BANK1: variants seen among roughly 807,000 people sequenced by gnomAD.
BANK1 encodes the protein B cell scaffold protein with ankyrin repeats 1, also known as B-cell scaffold protein with ankyrin repeats.
BANK1 carries 95 observed loss-of-function variants against 94.5 expected under a neutral mutation model. That is an observed-to-expected ratio of 1.00 (90% CI 0.85 to 1.19). BANK1 has a LOEUF of 1.19. BANK1 is among the 50% of genes most tolerant of loss of function. BANK1 has a pLI of 0.00. For synonymous variants in BANK1, 334 were observed against 308.4 expected (o/e 1.08, Z -0.87); for missense variants, 987 against 932.2 (o/e 1.06, Z -0.77).
At chr4:101,887,699 T>C (rs988909895) in intron 5 of BANK1, among the ~76,000 whole-genome samples, 2 of 152,178 alleles carry the variant, frequency 1.3e-5, no homozygotes, top group Admixed American at 1.3e-4. Flanking sequence ...TTAAAGAGAT[T>C]CTACAACTAT....
At chr4:102,008,572 G>C (rs1726380478) in intron 7 of BANK1, among the ~76,000 whole-genome samples, 1 of 152,150 alleles carries the variant, frequency 6.6e-6, no homozygotes, top group African/African-American at 2.4e-5. Context: ...TATAGTGAAA[G>C]GTAATTGGGT....
intron 2 of BANK1, among the ~76,000 whole-genome samples, chr4:101,850,037 G>A (rs1203914137): frequency 6.6e-6 from 1 of 152,148 alleles, no homozygotes; most frequent in African/African-American, 2.4e-5. Context: ...TATAAGAGCT[G>A]TCTACAAATA....
At chr4:101,841,016 A>G (rs1727026678) in intron 2 of BANK1, among the ~76,000 whole-genome samples, 1 of 152,178 alleles carries the variant, frequency 6.6e-6, no homozygotes, top group Non-Finnish European at 1.5e-5. Flanking sequence ...TAGTAGAGAA[A>G]GTGTTTCACC....
chr4:101,958,403 T>C (rs1231859277), intron 7 of BANK1, among the ~76,000 whole-genome samples: 1 of 147,092 alleles, frequency 6.8e-6, no homozygotes, highest in East Asian at 2.0e-4. Context: ...ATGCCCTTTT[T>C]ACTGTCATGC....
At chr4:102,022,436 A>G (rs1341551883) in intron 8 of BANK1, among the ~76,000 whole-genome samples, 1 of 152,044 alleles carries the variant, frequency 6.6e-6, no homozygotes, top group Admixed American at 6.6e-5. Context: ...GCATTCAGCC[A>G]TTTCTCTCCC....
At chr4:101,822,324 A>T (rs1364840773) in intron 1 of BANK1, among the ~76,000 whole-genome samples, 1 of 152,022 alleles carries the variant, frequency 6.6e-6, no homozygotes, top group East Asian at 1.9e-4. Context: ...GAGCCCCAAG[A>T]TCACGCCACT....
intron 7 of BANK1, among the ~76,000 whole-genome samples, chr4:101,975,481 G>T (rs1725092459): frequency 6.6e-6 from 1 of 152,132 alleles, no homozygotes; most frequent in Non-Finnish European, 1.5e-5. Context: ...GGAATGTGCA[G>T]GCAGACTTCT....
intron 1 of BANK1, among the ~76,000 whole-genome samples, chr4:101,798,367 A>T (rs1297883869): frequency 6.6e-6 from 1 of 152,212 alleles, no homozygotes; most frequent in African/African-American, 2.4e-5. Flanking sequence ...TGTTCTCAAA[A>T]GCCGATGGCG....
At chr4:101,947,522 G>A (rs1023054366) in intron 7 of BANK1, among the ~76,000 whole-genome samples, 1 of 151,228 alleles carries the variant, frequency 6.6e-6, no homozygotes, top group Middle Eastern at 3.2e-3. Flanking sequence ...ATAGAAGCTT[G>A]AAGTCTAATT....
At chr4:101,888,636 T>C (rs980894798) in intron 5 of BANK1, among the ~76,000 whole-genome samples, 4 of 152,256 alleles carry the variant, frequency 2.6e-5, no homozygotes, top group African/African-American at 9.6e-5. Flanking sequence ...ATTTGCGTGT[T>C]ACTGAATTTT....
At chr4:101,854,321 A>G (rs1727602041) in intron 2 of BANK1, among the ~76,000 whole-genome samples, 2 of 152,168 alleles carry the variant, frequency 1.3e-5, no homozygotes, top group African/African-American at 2.4e-5. Flanking sequence ...ATTTTTTCAA[A>G]TAGAGAACAA....
At chr4:102,055,369 C>T (rs1051642035) in intron 11 of BANK1, among the ~76,000 whole-genome samples, 54 of 151,884 alleles carry the variant, frequency 3.6e-4, no homozygotes, top group Admixed American at 1.4e-3. Flanking sequence ...AGAATAATTT[C>T]TCAACATTAT....
intron 2 of BANK1, among the ~76,000 whole-genome samples, chr4:101,830,869 G>A (rs1441678122): frequency 2.6e-5 from 4 of 152,120 alleles, no homozygotes; most frequent in African/African-American, 9.7e-5. Flanking sequence ...TTAAAGGGAA[G>A]GAGTGAAGCT....
At chr4:101,928,429 T>C (rs1723234520) in intron 7 of BANK1, among the ~76,000 whole-genome samples, 1 of 151,662 alleles carries the variant, frequency 6.6e-6, no homozygotes, top group Non-Finnish European at 1.5e-5. Context: ...AATCAGAGCA[T>C]TTTTATCTGT....
chr4:101,830,124 T>C lies in BANK1; in HGVS notation c.387T>C (p.Asn129=). 1.2e-6 allele frequency: 2 copies of C among 1,611,992 alleles called. No homozygotes were observed. Among genetic ancestry groups the C allele is most frequent in the African/African-American group, 1.3e-5 (1 of 74,924 alleles). Residue 129 remains asparagine, a synonymous_variant, in exon 2 of 17, where the codon AAT becomes AAC. Coordinates refer to ENST00000322953, the MANE Select transcript of BANK1 (RefSeq NM_017935.5). ...CAGATCAGCTCTATGAATTACTAAA[T>C]ATCTCTCAAAGCAGATGGGAGATCT... The part of the protein sequence containing the change: ...KSSDQLYELL[N]ISQSRWEIST...
intron 6 of BANK1, among the ~76,000 whole-genome samples, chr4:101,909,161 G>A (rs982150921): frequency 6.6e-6 from 1 of 152,184 alleles, no homozygotes; most frequent in Non-Finnish European, 1.5e-5. Context: ...ATCAATGATA[G>A]GCTGGATTAA....
At chr4:101,864,358 A>G (rs1727989844) in intron 4 of BANK1, among the ~76,000 whole-genome samples, 1 of 152,178 alleles carries the variant, frequency 6.6e-6, no homozygotes, top group Admixed American at 6.5e-5. Flanking sequence ...GAACCCTACT[A>G]AGAACAACTA....
intron 1 of BANK1, among the ~76,000 whole-genome samples, chr4:101,827,618 C>T (rs1726414895): frequency 6.6e-6 from 1 of 151,928 alleles, no homozygotes; most frequent in Admixed American, 6.6e-5. Flanking sequence ...GTATTCAACT[C>T]ACCCTATTCT....
intron 7 of BANK1, among the ~76,000 whole-genome samples, chr4:101,942,877 A>G (rs1723802007): frequency 6.6e-6 from 1 of 151,950 alleles, no homozygotes; most frequent in African/African-American, 2.4e-5. Context: ...GGCATGCTTT[A>G]AGGATACAAA....
Sources: allele counts gnomAD v4.1 joint callset (sites outside exome capture counted in the v4.1 genomes callset), GRCh38; gene constraint gnomAD v4.1.1; transcripts MANE v1.5; gene names NCBI Gene and HGNC (gene_info 2026-07-23, HGNC 2026-07-21).